DTNBP1: variants seen among roughly 807,000 people sequenced by gnomAD.
DTNBP1 encodes the protein dystrobrevin binding protein 1.
In DTNBP1, 35 loss-of-function variants were observed where a neutral mutation model predicts 42.8. The ratio of observed to expected loss-of-function variants is 0.82; its 90% CI spans 0.63 to 1.09. The LOEUF is 1.09. Among genes scored for constraint, DTNBP1 ranks in the 50% least tolerant of loss-of-function variants. DTNBP1 has a pLI of 0.00. For missense variants in DTNBP1, 457 were observed against 424.2 expected (o/e 1.08, Z -0.68); for synonymous variants, 171 against 162.2 (o/e 1.05, Z -0.41).
At chr6:15,588,079 A>G (rs906150742) in intron 7 of DTNBP1, among the ~76,000 whole-genome samples, 1 of 152,218 alleles carries the variant, frequency 6.6e-6, no homozygotes, top group Admixed American at 6.5e-5. Flanking sequence ...CAAAACCTGG[A>G]AACAATCCAA....
intron 7 of DTNBP1, among the ~76,000 whole-genome samples, chr6:15,560,121 C>T (rs1044341738): frequency 1.3e-5 from 2 of 152,128 alleles, no homozygotes; most frequent in Non-Finnish European, 2.9e-5. Context: ...TCCTGGCTAA[C>T]AGGGGGAACC....
chr6:15,538,295 G>A (rs1216146021), intron 7 of DTNBP1, among the ~76,000 whole-genome samples: 1 of 152,180 alleles, frequency 6.6e-6, no homozygotes, highest in African/African-American at 2.4e-5. Context: ...AGGGGGCCAC[G>A]TGGAAAGGAA....
intron 6 of DTNBP1, among the ~76,000 whole-genome samples, chr6:15,596,765 C>G (rs185279892): frequency 6.6e-6 from 1 of 152,320 alleles, no homozygotes; most frequent in African/African-American, 2.4e-5. Flanking sequence ...GACTCATATG[C>G]AACTGCCCAT....
chr6:15,535,745 T>C (rs1029612464), intron 7 of DTNBP1, among the ~76,000 whole-genome samples: 11 of 151,976 alleles, frequency 7.2e-5, no homozygotes, highest in Admixed American at 3.9e-4. Flanking sequence ...CGGGTAGAGG[T>C]TGGAACAGTC....
At chr6:15,574,199 T>C (rs1775466980) in intron 7 of DTNBP1, among the ~76,000 whole-genome samples, 1 of 152,188 alleles carries the variant, frequency 6.6e-6, no homozygotes, top group African/African-American at 2.4e-5. Flanking sequence ...AAATGGATGG[T>C]TTCCACAAGC....
At chr6:15,646,280 C>G (rs1277617337) in intron 3 of DTNBP1, among the ~76,000 whole-genome samples, 1 of 151,446 alleles carries the variant, frequency 6.6e-6, no homozygotes, top group Non-Finnish European at 1.5e-5. Flanking sequence ...CACACACACA[C>G]ACACACATAT....
chr6:15,533,386 T>A lies in DTNBP1; in HGVS notation c.521A>T (p.Asp174Val), dbSNP rs200731587. ...KELETFKAEL[D>V]AEHAQKVLEM... ...CAGGACCTTCTGGGCGTGCTCTGCA[T>A]CTAGTTCAGCTGAGGAAACAGAATA... Residue 174 changes from aspartate (D) to valine (V), a missense_variant, in exon 8 of 10, where the codon GAT becomes GTT. By Grantham distance (152) the Asp-to-Val change is radical. Coordinates refer to ENST00000344537, the MANE Select transcript of DTNBP1 (RefSeq NM_032122.5). 2.7e-5 allele frequency: 44 copies of A among 1,614,232 alleles called. No homozygotes were observed. In the Admixed American group the frequency reaches 5.0e-4, roughly 18 times the overall value.
intron 1 of DTNBP1, among the ~76,000 whole-genome samples, chr6:15,655,653 A>AC (rs1261242729): frequency 1.3e-5 from 2 of 151,716 alleles, no homozygotes; most frequent in Admixed American, 6.6e-5. Context: ...AAAAAAAAAA[A>AC]AGTAAAAAAA....
chr6:15,523,465 G>C (rs1287695533), intron 9 of DTNBP1: 15 of 1,293,866 alleles, frequency 1.2e-5, no homozygotes, highest in African/African-American at 1.5e-5. Flanking sequence ...CACAGATCAA[G>C]TGCTCCTAAG....
chr6:15,638,253 G>A (rs993205844), intron 3 of DTNBP1, among the ~76,000 whole-genome samples: 6 of 151,716 alleles, frequency 4.0e-5, no homozygotes, highest in Admixed American at 1.3e-4. Flanking sequence ...TCAGCCTCCC[G>A]AGTAGCTGGG....
At chr6:15,530,542 C>T (rs953607214) in intron 8 of DTNBP1, among the ~76,000 whole-genome samples, 7 of 152,240 alleles carry the variant, frequency 4.6e-5, no homozygotes, top group Non-Finnish European at 1.0e-4. Flanking sequence ...GTTCTCTCTG[C>T]CAGCCCGCTG....
chr6:15,629,601 T>C (rs1467773041), intron 4 of DTNBP1, among the ~76,000 whole-genome samples: 1 of 152,110 alleles, frequency 6.6e-6, no homozygotes. Flanking sequence ...TATCAATAAT[T>C]ATCAACAATT....
At chr6:15,640,293 T>A (rs1760270317) in intron 3 of DTNBP1, among the ~76,000 whole-genome samples, 1 of 152,174 alleles carries the variant, frequency 6.6e-6, no homozygotes, top group African/African-American at 2.4e-5. Flanking sequence ...CCCCATCCAA[T>A]CACTTTCAAC....
chr6:15,543,377 G>C (rs764992212), intron 7 of DTNBP1, among the ~76,000 whole-genome samples: 3 of 152,146 alleles, frequency 2.0e-5, no homozygotes, highest in African/African-American at 4.8e-5. Flanking sequence ...AGCTTATTCA[G>C]ATTTCACCAG....
At chr6:15,614,777 C>T (rs1055360011) in intron 6 of DTNBP1, among the ~76,000 whole-genome samples, 6 of 152,184 alleles carry the variant, frequency 3.9e-5, no homozygotes, top group African/African-American at 1.4e-4. Context: ...ACATCATTAT[C>T]CCATCATAAA....
At chr6:15,576,849 G>A (rs930501555) in intron 7 of DTNBP1, among the ~76,000 whole-genome samples, 11 of 151,926 alleles carry the variant, frequency 7.2e-5, no homozygotes, top group Admixed American at 2.0e-4. Flanking sequence ...AGAGCCACTG[G>A]AAGAAAGCAA....
At chr6:15,528,598 A>G (rs1772583589) in intron 8 of DTNBP1, among the ~76,000 whole-genome samples, 1 of 152,296 alleles carries the variant, frequency 6.6e-6, no homozygotes, top group East Asian at 1.9e-4. Context: ...TTTCATTCCA[A>G]CAGATTAGCA....
At chr6:15,647,383 A>T (rs187581045) in intron 3 of DTNBP1, among the ~76,000 whole-genome samples, 5 of 151,992 alleles carry the variant, frequency 3.3e-5, no homozygotes, top group Non-Finnish European at 5.9e-5. Flanking sequence ...ATATCTACCA[A>T]TGGTAGATAT....
intron 6 of DTNBP1, among the ~76,000 whole-genome samples, chr6:15,613,459 C>T (rs1251807797): frequency 8.7e-5 from 13 of 149,108 alleles, no homozygotes; most frequent in Admixed American, 5.3e-4. Flanking sequence ...CTGCGCCTCC[C>T]GGGTTCATGC....
Sources: allele counts gnomAD v4.1 joint callset (sites outside exome capture counted in the v4.1 genomes callset), GRCh38; gene constraint gnomAD v4.1.1; transcripts MANE v1.5; gene names NCBI Gene and HGNC (gene_info 2026-07-23, HGNC 2026-07-21).